Variants in AKAP12 observed in about 807,000 individuals in gnomAD.
The protein encoded by AKAP12 is A-kinase anchor protein 12.
Under a neutral mutation model 79.9 loss-of-function variants are expected in AKAP12, and 32 were observed. The observed-to-expected ratio is 0.40, with a 90% CI of 0.30 to 0.54. The LOEUF (loss-of-function observed/expected upper bound fraction) is 0.54, where lower values mean the gene tolerates loss of function less well. AKAP12 is among the 20% of genes least tolerant of loss of function. AKAP12 has a pLI of 0.48. For synonymous variants in AKAP12, 808 were observed against 857.0 expected (o/e 0.94, Z 1.00); for missense variants, 2,074 against 2,177.0 (o/e 0.95, Z 0.94).
At chr6:151,294,379 G>A (rs1453264611) in intron 2 of AKAP12, among the ~76,000 whole-genome samples, 3 of 152,142 alleles carry the variant, frequency 2.0e-5, no homozygotes, top group Non-Finnish European at 4.4e-5. Flanking sequence ...GGGGGTCGGG[G>A]TTGGGGGCAC....
chr6:151,310,799 T>C (rs1777082113), intron 3 of AKAP12, among the ~76,000 whole-genome samples: 1 of 152,216 alleles, frequency 6.6e-6, no homozygotes, highest in African/African-American at 2.4e-5. Flanking sequence ...CTTCATCCAT[T>C]TGAATTAATC....
intron 2 of AKAP12, among the ~76,000 whole-genome samples, chr6:151,262,310 T>C (rs977529040): frequency 6.6e-6 from 1 of 152,216 alleles, no homozygotes; most frequent in African/African-American, 2.4e-5. Flanking sequence ...TCTTCTTCTG[T>C]TCAGTCAGTG....
chr6:151,256,155 G>A lies in AKAP12; in HGVS notation c.162+15431G>A, dbSNP rs553247848. ...GAACCACTGAATAATGAGGCAGGAAGGAACCTCAGCCTGTTGGAAGAAATA... is the reference window on the plus strand; with the variant it reads ...GAACCACTGAATAATGAGGCAGGAAAGAACCTCAGCCTGTTGGAAGAAATA... On this transcript the variant is annotated intron_variant, in intron 2 of 4. Coordinates refer to ENST00000402676, the MANE Select transcript of AKAP12 (RefSeq NM_005100.4). Among the ~76,000 whole-genome samples, 3 of 152,296 alleles carry A rather than the reference G, an allele frequency of 2.0e-5. No individual in the cohort carries two copies. In the South Asian group the frequency reaches 6.2e-4, roughly 32 times the overall value.
At chr6:151,311,130 A>G (rs1363549212) in intron 3 of AKAP12, among the ~76,000 whole-genome samples, 1 of 152,200 alleles carries the variant, frequency 6.6e-6, no homozygotes, top group Non-Finnish European at 1.5e-5. Flanking sequence ...ACTGCGCCAG[A>G]TAGTTCTTTA....
At chr6:151,279,496 A>G (rs1776354427) in intron 2 of AKAP12, among the ~76,000 whole-genome samples, 1 of 152,128 alleles carries the variant, frequency 6.6e-6, no homozygotes, top group African/African-American at 2.4e-5. Flanking sequence ...GAAAAAATGT[A>G]CAGCAGTTTT....
intron 3 of AKAP12, 105 bp downstream of exon 3, chr6:151,306,008 C>A: frequency 8.3e-7 from 1 of 1,202,154 alleles, no homozygotes; most frequent in Non-Finnish European, 1.1e-6. Flanking sequence ...TTGGTGTTAA[C>A]AGCAAAAACA....
Position 151,314,322 on chromosome 6 carries a change from C to T in AKAP12, c.319+8419C>T, listed in dbSNP as rs1027718154. 5.3e-5 allele frequency among the ~76,000 whole-genome samples: 8 copies of T among 152,254 alleles called. No individual in the cohort carries two copies. The South Asian group carries it at 6.2e-4, about 12-fold the overall frequency. On this transcript the variant is annotated intron_variant, in intron 3 of 4. Transcript: ENST00000402676. ...GATTACAGGCATGAGCCACCGCACC[C>T]GGCCTCTAATCTGATCTTAAAAGCC...
intron 3 of AKAP12, among the ~76,000 whole-genome samples, chr6:151,340,222 G>T (rs1165271171): frequency 6.7e-6 from 1 of 149,346 alleles, no homozygotes; most frequent in African/African-American, 2.5e-5. Context: ...ATGAGCCACC[G>T]CGCCCAGCGG....
rs1354376540 is a variant in AKAP12, at chr6:151,349,271, T to G, written c.880T>G (p.Ser294Ala). The change falls in exon 4 of 5, where the codon TCA (serine) becomes GCA (alanine). Residue 294 changes from serine (S) to alanine (A), a missense_variant. Ser to Ala is a moderately conservative substitution (Grantham distance 99). Around this residue, in one of 3 missense-constraint regions of AKAP12, gnomAD observed 1,428 missense variants for 1,451.0 expected, o/e 0.98. Transcript: ENST00000402676. The stretch of plus-strand genomic sequence containing the variant: ...TAGTCCCGTGACCAGTGAAACAGGA[T>G]CAACCTTCAAAAAATTCTTCACTCA... The part of the protein sequence containing the change: ...PTSPVTSETG[S>A]TFKKFFTQGW... 1 of 1,613,126 alleles carries G rather than the reference T, an allele frequency of 6.2e-7. No homozygotes were observed. Among genetic ancestry groups the G allele is most frequent in the Non-Finnish European group, 8.5e-7 (1 of 1,179,818 alleles).
intron 3 of AKAP12, among the ~76,000 whole-genome samples, chr6:151,320,187 G>C (rs1232919252): frequency 6.6e-6 from 1 of 152,036 alleles, no homozygotes; most frequent in Non-Finnish European, 1.5e-5. Flanking sequence ...ATAGAGGAAA[G>C]TAGCCTGCTT....
intron 3 of AKAP12, among the ~76,000 whole-genome samples, chr6:151,311,901 G>C (rs1176189276): frequency 6.6e-6 from 1 of 152,138 alleles, no homozygotes; most frequent in Non-Finnish European, 1.5e-5. Context: ...TATCTGTATA[G>C]TAGGCACCCT....
chr6:151,259,876 C>T (rs562143184), intron 2 of AKAP12, among the ~76,000 whole-genome samples: 5 of 150,232 alleles, frequency 3.3e-5, no homozygotes, highest in South Asian at 2.1e-4. Context: ...TGCACCCAGC[C>T]GACCCTTTTC....
In AKAP12 at chr6:151,311,951, C is replaced by A. The variant is rs184330905; in HGVS notation, c.319+6048C>A. Among the ~76,000 whole-genome samples the A allele has an allele frequency of 4.6e-3, 697 of 152,324 alleles. 5 individuals are homozygous for A. The highest frequency in any genetic ancestry group is 7.2e-3 in the Non-Finnish European group (492 of 68,032). ...GCCTCTTCAAAGATGACTCCCCCAC[C>A]CCATACCTGTTTCCTCTGCAAGAGG... On this transcript the variant is annotated intron_variant, in intron 3 of 4. Transcript: ENST00000402676.
chr6:151,245,803 A>G (rs1287839279), intron 2 of AKAP12, among the ~76,000 whole-genome samples: 1 of 152,194 alleles, frequency 6.6e-6, no homozygotes, highest in Non-Finnish European at 1.5e-5. Context: ...AGGGTAAATT[A>G]CTCACAAATT....
Position 151,351,999 on chromosome 6 carries a change from G to A in AKAP12, c.3608G>A (p.Gly1203Asp). The part of the protein sequence containing the change: ...EIHEENEVAS[G>D]TQSGGTEAEA... ...CATGAGGAGAATGAGGTCGCATCTGGTACCCAGTCAGGGGGCACAGAAGCA... is the reference window on the plus strand; with the variant it reads ...CATGAGGAGAATGAGGTCGCATCTGATACCCAGTCAGGGGGCACAGAAGCA... The change falls in exon 4 of 5, where the codon GGT becomes GAT. Residue 1203 changes from glycine (G) to aspartate (D), a missense_variant. Transcript: ENST00000402676. The surrounding 1 kb of genome is among the most constrained non-coding windows in gnomAD (Gnocchi z 4.4). The A allele has an allele frequency of 6.2e-7, 1 of 1,614,078 alleles. No homozygotes were observed. Among genetic ancestry groups the A allele is most frequent in the Non-Finnish European group, 8.5e-7 (1 of 1,180,042 alleles).
intron 3 of AKAP12, among the ~76,000 whole-genome samples, chr6:151,336,715 C>T (rs1237402025): frequency 1.3e-5 from 2 of 152,158 alleles, no homozygotes; most frequent in East Asian, 1.9e-4. Context: ...TGCACTCCAG[C>T]CTGGGCGACA....
intron 3 of AKAP12, among the ~76,000 whole-genome samples, chr6:151,327,061 C>T (rs539810002): frequency 1.5e-3 from 233 of 151,862 alleles, no homozygotes; most frequent in African/African-American, 5.2e-3. Context: ...GTGATCTGCC[C>T]GCCTTGGTCT....
chr6:151,343,206 T>A (rs1208075037), intron 3 of AKAP12, among the ~76,000 whole-genome samples: 1 of 152,094 alleles, frequency 6.6e-6, no homozygotes, highest in Admixed American at 6.6e-5. Context: ...GGGAAAATAG[T>A]GAGGGGGAAA....
chr6:151,328,173 A>G (rs1257336236), intron 3 of AKAP12, among the ~76,000 whole-genome samples: 1 of 151,332 alleles, frequency 6.6e-6, no homozygotes, highest in Non-Finnish European at 1.5e-5. Flanking sequence ...TAAAAATACA[A>G]AAAAATTAGC....
Sources: gnomAD v4.1 joint callset for allele counts (sites outside exome capture counted in the v4.1 genomes callset) on GRCh38, gnomAD v4.1.1 for gene constraint, gnomAD v4.1.1 regional missense constraint, Gnocchi (gnomAD v3.1) non-coding constraint, MANE v1.5 for transcripts, NCBI Gene and HGNC (gene_info 2026-07-23, HGNC 2026-07-21) for gene names.